Variants in ATAD2B observed in about 807,000 individuals in gnomAD.
The protein encoded by ATAD2B is ATPase family AAA domain-containing protein 2B.
Under a neutral mutation model 167.6 loss-of-function variants are expected in ATAD2B, and 40 were observed. The ratio of observed to expected loss-of-function variants is 0.24; its 90% confidence interval spans 0.19 to 0.31. The LOEUF is 0.31. ATAD2B is among the 10% of genes least tolerant of loss of function. ATAD2B has a pLI of 1.00. For missense variants in ATAD2B, 1,242 were observed against 1,757.2 expected, an observed-to-expected ratio of 0.71 and a Z score of 5.24; for synonymous variants, 579 against 596.5, an observed-to-expected ratio of 0.97 and a Z score of 0.43.
chr2:23,693,814 C>T, the ATAD2B span, among the ~76,000 whole-genome samples: 240 of 152,274 alleles, frequency 1.6e-3, 1 homozygote, highest in African/African-American at 5.3e-3. Flanking sequence ...CCCAGGAACA[C>T]GGACCCAGCT....
chr2:23,890,237 TA>T (rs1272260576), intron 2 of ATAD2B, among the ~76,000 whole-genome samples: 2 of 151,132 alleles, frequency 1.3e-5, no homozygotes, highest in Non-Finnish European at 3.0e-5. Flanking sequence ...AAATAATAAA[TA>T]ACAAAAAACA....
intron 2 of ATAD2B, among the ~76,000 whole-genome samples, chr2:23,894,201 G>T (rs565554214): frequency 1.3e-5 from 2 of 151,884 alleles, no homozygotes; most frequent in South Asian, 2.1e-4. Flanking sequence ...TGAAATATCG[G>T]CCAGGCACGG....
the ATAD2B span, chr2:23,693,352 A>G: frequency 6.4e-6 from 10 of 1,551,608 alleles, no homozygotes; most frequent in Non-Finnish European, 8.7e-6. Flanking sequence ...CCACATGGCC[A>G]AGGCCTTCGC....
chr2:23,881,611 T>A (rs911874305), intron 6 of ATAD2B, among the ~76,000 whole-genome samples: 1 of 152,150 alleles, frequency 6.6e-6, no homozygotes, highest in Non-Finnish European at 1.5e-5. Flanking sequence ...TCAACCCCCC[T>A]CGGCCTCCCA....
chr2:23,683,816 T>G, the ATAD2B span, among the ~76,000 whole-genome samples: 1 of 151,828 alleles, frequency 6.6e-6, no homozygotes, highest in African/African-American at 2.4e-5. Context: ...CCCACAAGTG[T>G]GAAACAGAAG....
At chr2:23,785,952 T>C in intron 21 of ATAD2B, 75 bp downstream of exon 21, 1 of 1,346,558 alleles carries the variant, frequency 7.4e-7, no homozygotes, top group Non-Finnish European at 1.0e-6. Context: ...TTTTTTTTCC[T>C]TCCAAAAAAA....
At chr2:23,742,383 G>A in the ATAD2B span, among the ~76,000 whole-genome samples, 2 of 148,682 alleles carry the variant, frequency 1.3e-5, no homozygotes, top group Non-Finnish European at 3.0e-5. Flanking sequence ...CATAAAAAAT[G>A]ATGAGTTCAT....
chr2:23,805,558 G>A (rs79370448), intron 18 of ATAD2B, among the ~76,000 whole-genome samples: 225 of 152,192 alleles, frequency 1.5e-3, no homozygotes, highest in African/African-American at 5.2e-3. Context: ...AAATATCCTT[G>A]TTCATTTAGC....
rs910410815 is a variant in ATAD2B at position 23,781,933 on chromosome 2, C to T, written c.3133+936G>A. ...GCTCAAGTGAGCCTCCCACCTCAGTCTCTCAAGTAGCTAGGACTACAAGTG... is the reference window on the plus strand; with the variant it reads ...GCTCAAGTGAGCCTCCCACCTCAGTTTCTCAAGTAGCTAGGACTACAAGTG... On this transcript the variant is annotated intron_variant, in intron 22 of 27. Coordinates refer to ENST00000238789, the MANE Select transcript of ATAD2B (RefSeq NM_017552.4). Among the ~76,000 whole-genome samples the T allele has an allele frequency of 1.4e-4, 22 of 152,142 alleles. 1 individual carries two copies. Among genetic ancestry groups the T allele is most frequent in the Non-Finnish European group, 1.0e-4 (7 of 68,044 alleles).
At chr2:23,815,210 G>A (rs549053104) in intron 17 of ATAD2B, among the ~76,000 whole-genome samples, 1 of 152,288 alleles carries the variant, frequency 6.6e-6, no homozygotes, top group Non-Finnish European at 1.5e-5. Flanking sequence ...GAAGGCAAAT[G>A]AGAGGAAAGA....
the ATAD2B span, among the ~76,000 whole-genome samples, chr2:23,702,286 C>G: frequency 6.6e-6 from 1 of 152,154 alleles, no homozygotes; most frequent in Admixed American, 6.5e-5. Flanking sequence ...ATAGTTCAGC[C>G]AGCTTACCTT....
At chr2:23,725,602 T>C in the ATAD2B span, among the ~76,000 whole-genome samples, 2 of 152,136 alleles carry the variant, frequency 1.3e-5, no homozygotes, top group African/African-American at 4.8e-5. Flanking sequence ...ATGTATATTG[T>C]AAGCCCCAGA....
chr2:23,837,793 C>T (rs1201255229), intron 13 of ATAD2B, among the ~76,000 whole-genome samples: 2 of 152,208 alleles, frequency 1.3e-5, no homozygotes, highest in Non-Finnish European at 2.9e-5. Flanking sequence ...ATTAGATTTA[C>T]ATTATCGTTA....
At chr2:23,714,301 G>A in the ATAD2B span, among the ~76,000 whole-genome samples, 1 of 149,156 alleles carries the variant, frequency 6.7e-6, no homozygotes, top group South Asian at 2.1e-4. Context: ...GTGCAGTGGC[G>A]CGATCTCGGC....
chr2:23,904,748 T>C (rs953125122), intron 1 of ATAD2B, among the ~76,000 whole-genome samples: 2 of 152,174 alleles, frequency 1.3e-5, no homozygotes, highest in African/African-American at 2.4e-5. Flanking sequence ...CCGATTTCCT[T>C]ATAGGACAGG....
the ATAD2B span, among the ~76,000 whole-genome samples, chr2:23,679,645 G>C: frequency 7.0e-6 from 1 of 143,316 alleles, no homozygotes; most frequent in Admixed American, 6.9e-5. Context: ...CCTGTGCTGA[G>C]TGTCGAAGAT....
the ATAD2B span, among the ~76,000 whole-genome samples, chr2:23,702,102 C>T: frequency 6.6e-6 from 1 of 152,060 alleles, no homozygotes; most frequent in Non-Finnish European, 1.5e-5. Flanking sequence ...GGATGATAGG[C>T]GTGAGCCATC....
intron 21 of ATAD2B, 40 bp from the exon 22 acceptor site, chr2:23,783,068 C>A: frequency 9.0e-7 from 1 of 1,109,992 alleles, no homozygotes; most frequent in Non-Finnish European, 1.2e-6. Context: ...TCCAGTTTTT[C>A]ACATCATCTC....
At chr2:23,741,091 T>A in the ATAD2B span, among the ~76,000 whole-genome samples, 1 of 151,926 alleles carries the variant, frequency 6.6e-6, no homozygotes, top group Non-Finnish European at 1.5e-5. Flanking sequence ...TGCTCATGGG[T>A]AGGAAGAATC....
Sources: gnomAD v4.1 joint callset for allele counts (sites outside exome capture counted in the v4.1 genomes callset) on GRCh38, gnomAD v4.1.1 for gene constraint, MANE v1.5 for transcripts, NCBI Gene and HGNC (gene_info 2026-07-23, HGNC 2026-07-21) for gene names.